KANSL1: variants seen among roughly 807,000 people sequenced by gnomAD.
The protein encoded by KANSL1 is KAT8 regulatory NSL complex subunit 1.
Under a neutral mutation model 103.6 loss-of-function variants are expected in KANSL1, and 22 were observed. That is an observed-to-expected ratio of 0.21 (90% CI 0.15 to 0.30). The LOEUF is 0.30. Among genes scored for constraint, KANSL1 ranks in the 10% least tolerant of loss-of-function variants. The pLI is 1.00. For missense variants in KANSL1, 1,337 were observed against 1,399.8 expected (o/e 0.96, Z 0.72); for synonymous variants, 600 against 527.6 (o/e 1.14, Z -1.88).
intron 6 of KANSL1, among the ~76,000 whole-genome samples, chr17:46,062,114 C>CA (rs1192815524): frequency 0.23 from 8,430 of 36,064 alleles, 636 homozygotes; most frequent in African/African-American, 0.28. Flanking sequence ...AAAAAACAAA[C>CA]AAACAAAAAA....
chr17:46,164,257 C>T (rs1050162225), intron 2 of KANSL1, among the ~76,000 whole-genome samples: 4 of 152,238 alleles, frequency 2.6e-5, no homozygotes, highest in Non-Finnish European at 5.9e-5. Flanking sequence ...ACTATATCTA[C>T]GGTAAATGGG....
At chr17:46,091,580 C>A (rs963080613) in intron 3 of KANSL1, among the ~76,000 whole-genome samples, 15 of 152,070 alleles carry the variant, frequency 9.9e-5, no homozygotes, top group African/African-American at 3.6e-4. Flanking sequence ...ATGGTAAGTG[C>A]CCTATACAGG....
chr17:46,062,113 A>AAC (rs2078187360), intron 6 of KANSL1, among the ~76,000 whole-genome samples: 1 of 36,144 alleles, frequency 2.8e-5, no homozygotes, highest in East Asian at 1.9e-3. Flanking sequence ...AAAAAAACAA[A>AAC]CAAACAAAAA....
chr17:46,185,608 A>G (rs1169403110), intron 1 of KANSL1, among the ~76,000 whole-genome samples: 1 of 152,014 alleles, frequency 6.6e-6, no homozygotes, highest in Non-Finnish European at 1.5e-5. Flanking sequence ...CAAAAAAAAA[A>G]CCCTAATTAA....
intron 2 of KANSL1, among the ~76,000 whole-genome samples, chr17:46,097,328 A>G (rs1030189322): frequency 1.3e-5 from 2 of 152,256 alleles, no homozygotes; most frequent in African/African-American, 4.8e-5. Context: ...ACTATCTAGC[A>G]ATTTATTTAC....
intron 2 of KANSL1, among the ~76,000 whole-genome samples, chr17:46,160,740 C>T (rs1369065364): frequency 6.6e-6 from 1 of 152,160 alleles, no homozygotes; most frequent in South Asian, 2.1e-4. Flanking sequence ...GTATAATAGT[C>T]TTCTGAATAT....
intron 2 of KANSL1, among the ~76,000 whole-genome samples, chr17:46,123,586 G>A (rs530725318): frequency 6.6e-6 from 1 of 152,180 alleles, no homozygotes. Flanking sequence ...TTGCTGATAT[G>A]GACAAAGTTT....
At chr17:46,088,817 A>C (rs1272724355) in intron 3 of KANSL1, 1 of 152,380 alleles carries the variant, frequency 6.6e-6, no homozygotes. Flanking sequence ...TGAGCCCAGG[A>C]GTTTCAGGTT....
chr17:46,110,144 C>T (rs556917561), intron 2 of KANSL1, among the ~76,000 whole-genome samples: 1 of 152,256 alleles, frequency 6.6e-6, no homozygotes, highest in Non-Finnish European at 1.5e-5. Flanking sequence ...AAAAACCTAG[C>T]ATGTAGGAAA....
intron 2 of KANSL1, among the ~76,000 whole-genome samples, chr17:46,114,197 A>G (rs1241100887): frequency 6.6e-6 from 1 of 152,136 alleles, no homozygotes; most frequent in Non-Finnish European, 1.5e-5. Flanking sequence ...CGTCTCTACT[A>G]AAAATACAAA....
intron 1 of KANSL1, among the ~76,000 whole-genome samples, chr17:46,186,340 G>A (rs554795204): frequency 5.3e-5 from 8 of 150,160 alleles, no homozygotes; most frequent in East Asian, 2.0e-4. Flanking sequence ...CTGAGATCCC[G>A]CCACTGCACC....
At chr17:46,217,056 A>C (rs1191275676) in intron 1 of KANSL1, among the ~76,000 whole-genome samples, 2 of 150,496 alleles carry the variant, frequency 1.3e-5, no homozygotes, top group Non-Finnish European at 2.9e-5. Context: ...TGGAGGTTGC[A>C]GTGATCCAAG....
At chr17:46,121,521 T>C (rs1444969797) in intron 2 of KANSL1, among the ~76,000 whole-genome samples, 1 of 152,210 alleles carries the variant, frequency 6.6e-6, no homozygotes, top group East Asian at 1.9e-4. Context: ...CAAATATCAC[T>C]TTCATAGTTA....
At chr17:46,202,107 G>C (rs1241928541) in intron 1 of KANSL1, among the ~76,000 whole-genome samples, 1 of 151,968 alleles carries the variant, frequency 6.6e-6, no homozygotes, top group Non-Finnish European at 1.5e-5. Flanking sequence ...GAGCCCAGGA[G>C]TTCTAGGCTG....
intron 7 of KANSL1, chr17:46,045,725 C>T (rs1421547388): frequency 1.3e-5 from 2 of 152,020 alleles, no homozygotes; most frequent in Non-Finnish European, 2.9e-5. Flanking sequence ...CTATAGTGTC[C>T]TGCAGTCAGC....
At chr17:46,099,372 ACT>A (rs1465723487) in intron 2 of KANSL1, among the ~76,000 whole-genome samples, 1 of 151,988 alleles carries the variant, frequency 6.6e-6, no homozygotes, top group Non-Finnish European at 1.5e-5. Flanking sequence ...AGCTATATAA[ACT>A]CAGCTTATCA....
chr17:46,123,949 G>C (rs1274814469), intron 2 of KANSL1, among the ~76,000 whole-genome samples: 2 of 152,214 alleles, frequency 1.3e-5, no homozygotes, highest in African/African-American at 4.8e-5. Context: ...TGTGGCTAGA[G>C]AGTAGAAAGG....
At chr17:46,106,864 AC>A (rs1459124009) in intron 2 of KANSL1, among the ~76,000 whole-genome samples, 1 of 151,308 alleles carries the variant, frequency 6.6e-6, no homozygotes, top group African/African-American at 2.4e-5. Flanking sequence ...AATAGAAGAA[AC>A]CCTGGTACAG....
intron 1 of KANSL1, among the ~76,000 whole-genome samples, chr17:46,219,916 A>C (rs1471609184): frequency 1.3e-5 from 2 of 152,060 alleles, no homozygotes; most frequent in African/African-American, 4.8e-5. Context: ...ATCCTGGCTA[A>C]CACGGTGAAA....
Sources: allele counts gnomAD v4.1 joint callset (sites outside exome capture counted in the v4.1 genomes callset), GRCh38; gene constraint gnomAD v4.1.1; transcripts MANE v1.5; gene names NCBI Gene and HGNC (gene_info 2026-07-23, HGNC 2026-07-21).